P2RX3: variants seen among roughly 807,000 people sequenced by gnomAD.
P2RX3 encodes purinergic receptor P2X 3, also known as P2X purinoceptor 3.
In P2RX3, 41 loss-of-function variants were observed where a neutral mutation model predicts 51.5. The observed-to-expected ratio is 0.80, with a 90% CI of 0.62 to 1.03. The LOEUF (loss-of-function observed/expected upper bound fraction) is 1.03, where lower values mean the gene tolerates loss of function less well. P2RX3 is among the 50% of genes least tolerant of loss of function. The probability of loss-of-function intolerance (pLI) is 0.00; values close to 1 mark genes in which losing one functional copy is unlikely to be tolerated. For missense variants in P2RX3, 459 were observed against 522.1 expected (o/e 0.88, Z 1.18); for synonymous variants, 185 against 191.6 (o/e 0.97, Z 0.29).
In P2RX3 at chr11:57,371,463, T is replaced by C. The variant is rs568580157; in HGVS notation, c.*1466T>C. Among the ~76,000 whole-genome samples, 6 of 152,312 alleles carry C rather than the reference T, an allele frequency of 3.9e-5. No homozygotes were observed. In the South Asian group the frequency reaches 1.2e-3, roughly 32 times the overall value. On this transcript the variant is annotated 3_prime_UTR_variant, in exon 12 of 12. Coordinates refer to ENST00000263314, the MANE Select transcript of P2RX3 (RefSeq NM_002559.5). ...GGTCTTAGCTGCACCAGCTCAACTGTAGATGGAGGGCGGCCCCTCAACACA... is the reference window on the plus strand; with the variant it reads ...GGTCTTAGCTGCACCAGCTCAACTGCAGATGGAGGGCGGCCCCTCAACACA...
At chr11:57,337,599 C>T (rs1856258324), upstream of P2RX3, among the ~76,000 whole-genome samples, 1 of 152,018 alleles carries the variant, frequency 6.6e-6, no homozygotes, top group Non-Finnish European at 1.5e-5. Flanking sequence ...TATTCTCACT[C>T]ATAGGTGGGA....
In P2RX3 at chr11:57,371,363, T is replaced by A. The variant is rs1179269294; in HGVS notation, c.*1366T>A. 2.0e-5 allele frequency among the ~76,000 whole-genome samples: 3 copies of A among 152,226 alleles called. No homozygotes were observed. The highest frequency in any genetic ancestry group is 1.9e-4 in the East Asian group (1 of 5,192). On this transcript the variant is annotated 3_prime_UTR_variant, in exon 12 of 12. Transcript: ENST00000263314. ...AGGTATTAGAAGGGGCTCATGCAAG[T>A]GAATGAGCCTAAAGAATGTTTCAAT...
In P2RX3 at chr11:57,355,694, C is replaced by A. The variant is rs1304491339; in HGVS notation, c.842+4796C>A. Among the ~76,000 whole-genome samples the A allele has an allele frequency of 2.0e-5, 3 of 152,308 alleles. No homozygotes were observed. The East Asian group carries it at 5.8e-4, about 29-fold the overall frequency. ...CAAATACATTCTCAGAGTAATAAAT[C>A]CAACCAATACTGATATATACAAAGT... On this transcript the variant is annotated intron_variant, in intron 8 of 11. Coordinates refer to ENST00000263314, the MANE Select transcript of P2RX3 (RefSeq NM_002559.5).
At position 57,368,405 on chromosome 11, in the gene P2RX3, A is replaced by C; in HGVS notation, c.970A>C (p.Ser324Arg). 1 of 1,614,042 alleles carries C rather than the reference A, an allele frequency of 6.2e-7. No individual in the cohort carries two copies. Among genetic ancestry groups the C allele is most frequent in the African/African-American group, 1.3e-5 (1 of 74,988 alleles). Residue 324 changes from serine (S) to arginine (R), a missense_variant, in exon 10 of 12, where the codon AGC becomes CGC. Transcript: ENST00000263314. ...GTTCAACATCATCCCCACCATCATC[A>C]GCTCTGTGGCGGCCTTTACTTCTGT... ...GKFNIIPTII[S>R]SVAAFTSVGV...
intron 1 of P2RX3, among the ~76,000 whole-genome samples, chr11:57,343,983 T>C (rs1303536934): frequency 1.3e-5 from 2 of 152,192 alleles, no homozygotes; most frequent in Non-Finnish European, 2.9e-5. Context: ...GATTTCTACG[T>C]GAGGCATACT....
upstream of P2RX3, among the ~76,000 whole-genome samples, chr11:57,338,196 G>C (rs188848326): frequency 2.0e-5 from 3 of 152,316 alleles, no homozygotes; most frequent in East Asian, 5.8e-4. Context: ...AACAGAAACA[G>C]TAGACAGAGT....
At chr11:57,348,429 G>A (rs182876353) in intron 5 of P2RX3, 166 bp downstream of exon 5, 1 of 737,352 alleles carries the variant, frequency 1.4e-6, no homozygotes, top group African/African-American at 1.8e-5. Context: ...ATCTTCCCCA[G>A]CCCACCCACC....
At chr11:57,348,297 C>T (rs1856479849) in intron 5 of P2RX3, 34 bp downstream of exon 5, 2 of 1,547,366 alleles carry the variant, frequency 1.3e-6, no homozygotes, top group Non-Finnish European at 1.8e-6. Context: ...GGAGACAGGC[C>T]CCCACCTCAG....
chr11:57,344,754 A>G (rs1333260340), intron 1 of P2RX3, among the ~76,000 whole-genome samples: 1 of 152,224 alleles, frequency 6.6e-6, no homozygotes, highest in African/African-American at 2.4e-5. Context: ...ATAAAAAGAA[A>G]AAAAGATTCC....
In P2RX3 at chr11:57,350,899, G is replaced by C; in HGVS notation, c.842+1G>C. ...GCGTGTCCCCAGGCTACAACTTCAGGTAATTCCCTGTCTCCTGGGACACCA... is the reference window on the plus strand; with the variant it reads ...GCGTGTCCCCAGGCTACAACTTCAGCTAATTCCCTGTCTCCTGGGACACCA... On this transcript the variant is annotated splice_donor_variant, in intron 8 of 11. Coordinates refer to ENST00000263314, the MANE Select transcript of P2RX3 (RefSeq NM_002559.5). LOFTEE classifies it high-confidence loss of function. 6.2e-7 allele frequency: 1 copy of C among 1,614,018 alleles called. No homozygotes were observed. The highest frequency in any genetic ancestry group is 1.1e-5 in the South Asian group (1 of 91,070).
Position 57,348,270 on chromosome 11 carries a change from C to T in P2RX3, c.485+7C>T. 6.3e-7 allele frequency: 1 copy of T among 1,594,548 alleles called. No individual in the cohort carries two copies. The highest frequency in any genetic ancestry group is 8.5e-7 in the Non-Finnish European group (1 of 1,170,820). ...AGGTGGACACAGTGGAAACGTAAGG[C>T]TCCAAGCCAGACAGGAGGAGACAGG... is the stretch of plus-strand genomic sequence containing the variant. On this transcript the variant is annotated splice_region_variant and intron_variant, in intron 5 of 11. Coordinates refer to ENST00000263314, the MANE Select transcript of P2RX3 (RefSeq NM_002559.5).
chr11:57,354,336 G>A (rs571656836), intron 8 of P2RX3, among the ~76,000 whole-genome samples: 82 of 152,202 alleles, frequency 5.4e-4, no homozygotes, highest in African/African-American at 1.8e-3. Flanking sequence ...TAAAGACTCC[G>A]TGGGCCGCTT....
chr11:57,368,029 TG>T lies in P2RX3; in HGVS notation c.865del (p.Glu289LysfsTer10). On this transcript the variant is annotated frameshift_variant, in exon 9 of 12. Coordinates refer to ENST00000263314, the MANE Select transcript of P2RX3 (RefSeq NM_002559.5). LOFTEE classifies it high-confidence loss of function. ...YNFRFAKYYK[M>X]ENGSEYRTLL... is the part of the protein sequence containing the mutation. ...TCCAGGTTTGCCAAGTACTACAAAATGGAAAATGGCAGTGAGTACCGCACCC... is the reference window on the plus strand; with the variant it reads ...TCCAGGTTTGCCAAGTACTACAAAATGAAAATGGCAGTGAGTACCGCACCC... The T allele has an allele frequency of 1.2e-6, 2 of 1,614,064 alleles. No individual in the cohort carries two copies. Among genetic ancestry groups the T allele is most frequent in the Non-Finnish European group, 1.7e-6 (2 of 1,179,994 alleles).
chr11:57,348,468 G>A, intron 5 of P2RX3, 159 bp from the exon 6 acceptor site: 1 of 708,806 alleles, frequency 1.4e-6, no homozygotes, highest in Non-Finnish European at 2.4e-6. Context: ...TGACACTCAG[G>A]CACAGACAGC....
In P2RX3 at chr11:57,370,241, A is replaced by G; in HGVS notation, c.*244A>G. 1 of 517,524 alleles carries G rather than the reference A, an allele frequency of 1.9e-6. No individual in the cohort carries two copies. Among genetic ancestry groups the G allele is most frequent in the Non-Finnish European group, 3.5e-6 (1 of 288,934 alleles). 32.1% of individuals were successfully genotyped at this position (517,524 alleles called of 1,614,324 possible). The stretch of plus-strand genomic sequence containing the variant: ...ATCTGCTTCCTAGGACCCCTGGGGC[A>G]GGAGCACCTGAGCCATCCCCTTCCC... On this transcript the variant is annotated 3_prime_UTR_variant, in exon 12 of 12. Transcript: ENST00000263314.
At chr11:57,356,674 T>C (rs76843516) in intron 8 of P2RX3, among the ~76,000 whole-genome samples, 2,818 of 152,344 alleles carry the variant, frequency 0.018, 37 homozygotes, top group Middle Eastern at 0.034. Flanking sequence ...GCTTTGATCA[T>C]TCTCTCTACA....
chr11:57,367,708 G>A (rs1163480113), intron 8 of P2RX3, among the ~76,000 whole-genome samples: 2 of 152,164 alleles, frequency 1.3e-5, no homozygotes, highest in Admixed American at 6.5e-5. Flanking sequence ...GCGACAGAAT[G>A]AGACTCTGTC....
rs1180051354 is a variant in P2RX3, at chr11:57,348,685, C to A, written c.544C>A (p.Pro182Thr). 1 of 1,613,588 alleles carries A rather than the reference C, an allele frequency of 6.2e-7. No homozygotes were observed. Among genetic ancestry groups the A allele is most frequent in the East Asian group, 2.2e-5 (1 of 44,882 alleles). The change falls in exon 6 of 12, where the codon CCC becomes ACC. Residue 182 changes from proline (P) to threonine (T), a missense_variant. Physicochemically the swap from Pro to Thr is conservative, Grantham distance 38. Transcript: ENST00000263314. ...TTTCATCAAGAACAGCATCCGTTTC[C>A]CCCTCTTCAACTTTGAGAAGTGAGT... ...TIFIKNSIRF[P>T]LFNFEKGNLL...
chr11:57,351,222 G>C (rs970164993), intron 8 of P2RX3, among the ~76,000 whole-genome samples: 2 of 152,200 alleles, frequency 1.3e-5, no homozygotes, highest in African/African-American at 4.8e-5. Context: ...CTGAAACTGT[G>C]ACGTGCTTAA....
Sources: allele counts gnomAD v4.1 joint callset (sites outside exome capture counted in the v4.1 genomes callset), GRCh38; gene constraint gnomAD v4.1.1; transcripts MANE v1.5; gene names NCBI Gene and HGNC (gene_info 2026-07-23, HGNC 2026-07-21).